C16orf96: variants seen among roughly 807,000 people sequenced by gnomAD.
C16orf96 encodes the protein uncharacterized protein C16orf96.
C16orf96 carries 108 observed loss-of-function variants against 103.6 expected under a neutral mutation model. The ratio of observed to expected loss-of-function variants is 1.04; its 90% confidence interval spans 0.89 to 1.22. The LOEUF (loss-of-function observed/expected upper bound fraction) is 1.22. C16orf96 is among the 50% of genes most tolerant of loss of function. The pLI is 0.00. For missense variants in C16orf96, 1,586 were observed against 1,464.2 expected (o/e 1.08, Z -1.36); for synonymous variants, 566 against 593.5 (o/e 0.95, Z 0.67).
At chr16:4,600,021 G>A in intron 15 of C16orf96, 79 bp from the exon 16 acceptor site, 1 of 1,344,662 alleles carries the variant, frequency 7.4e-7, no homozygotes, top group Non-Finnish European at 1.0e-6. Flanking sequence ...CTTCTCTTTA[G>A]TGGGGATGGC....
chr16:4,546,246 C>G, the C16orf96 span, among the ~76,000 whole-genome samples: 2 of 150,578 alleles, frequency 1.3e-5, no homozygotes, highest in Non-Finnish European at 3.0e-5. Flanking sequence ...GCAAGCTCCA[C>G]CTCCCAGGTT....
chr16:4,569,206 G>T (rs915611273), intron 1 of C16orf96, among the ~76,000 whole-genome samples: 1 of 151,780 alleles, frequency 6.6e-6, no homozygotes, highest in Admixed American at 6.6e-5. Flanking sequence ...CTGAACTTCA[G>T]ATCCACTGGC....
At chr16:4,555,487 C>T (rs139901923), upstream of C16orf96, among the ~76,000 whole-genome samples, 1 of 151,718 alleles carries the variant, frequency 6.6e-6, no homozygotes, top group Non-Finnish European at 1.5e-5. Context: ...AATTCTCTGC[C>T]TCAGCCTCCA....
At position 4,576,704 on chromosome 16, in the gene C16orf96, GTCCTGTCCTT is replaced by G. The variant is rs2059514801; in HGVS notation, c.2155+70_2155+79del. Reference sequence around the variant, plus strand: ...TCTCCCTGCAGCCTTTGAGAAGTGTGTCCTGTCCTTCACTGGGCTCCACCAACAAAATCTG... The same window carrying G: ...TCTCCCTGCAGCCTTTGAGAAGTGTGCACTGGGCTCCACCAACAAAATCTG... On this transcript the variant is annotated intron_variant, in intron 5 of 15. Transcript: ENST00000444310. 2.1e-6 allele frequency: 3 copies of G among 1,407,646 alleles called. No homozygotes were observed. In the African/African-American group the frequency reaches 4.3e-5, roughly 20 times the overall value. 87.2% of individuals were successfully genotyped at this position (1,407,646 alleles called of 1,614,324 possible). A position where few individuals can be genotyped will look rare whatever the true frequency, so the allele number is the denominator to read the frequency against.
chr16:4,582,868 C>T (rs1896824363), intron 7 of C16orf96, among the ~76,000 whole-genome samples: 1 of 152,172 alleles, frequency 6.6e-6, no homozygotes, highest in African/African-American at 2.4e-5. Context: ...TGAAGCCCTG[C>T]CACGTGTGCC....
intron 5 of C16orf96, among the ~76,000 whole-genome samples, chr16:4,577,412 C>G (rs2059525370): frequency 6.6e-6 from 1 of 152,054 alleles, no homozygotes; most frequent in Admixed American, 6.6e-5. Flanking sequence ...CGCCTATAAT[C>G]CTAGCACTTT....
rs1300279767 is a variant in C16orf96, at chr16:4,575,955, G to T, written c.1475G>T (p.Arg492Ile). Residue 492 changes from arginine (R) to isoleucine (I), a missense_variant, in exon 5 of 16, where the codon AGA becomes ATA. By Grantham distance (97) the Arg-to-Ile change is moderately conservative. Coordinates refer to ENST00000444310, the MANE Select transcript of C16orf96 (RefSeq NM_001145011.2). ...CGCAAGGATGGGGTCCCCAAAGATA[G>T]AGGTGGCAAGGATGTGGACCCCAAG... Reference protein sequence around the residue: ...RTRKDGVPKDRGGKDVDPKDR... With the variant: ...RTRKDGVPKDIGGKDVDPKDR... The T allele has an allele frequency of 1.3e-6, 2 of 1,549,972 alleles. No homozygotes were observed. The highest frequency in any genetic ancestry group is 1.2e-5 in the South Asian group (1 of 83,982).
chr16:4,600,298 A>C lies in C16orf96; in HGVS notation c.3407A>C (p.Glu1136Ala), dbSNP rs1333490301. Reference protein sequence around the residue: ...IESRVGRKPPEEPANP With the variant: ...IESRVGRKPPAEPANP ...TCCCGAGTCGGCAGGAAGCCCCCCG[A>C]GGAGCCCGCCAACCCGTGAGCCCCA... Residue 1136 changes from glutamate (E) to alanine (A), a missense_variant, in exon 16 of 16, where the codon GAG becomes GCG. Glu to Ala is a moderately radical substitution (Grantham distance 107). Transcript: ENST00000444310. The C allele has an allele frequency of 6.5e-7, 1 of 1,549,678 alleles. No individual in the cohort carries two copies. Among genetic ancestry groups the C allele is most frequent in the Non-Finnish European group, 8.7e-7 (1 of 1,146,782 alleles).
chr16:4,563,118 T>G, intron 1 of C16orf96: 1 of 780,502 alleles, frequency 1.3e-6, no homozygotes, highest in South Asian at 1.4e-5. Context: ...TTTTTCCTCT[T>G]TAAGTTTTTG....
the C16orf96 span, among the ~76,000 whole-genome samples, chr16:4,540,953 C>T: frequency 6.9e-6 from 1 of 145,818 alleles, no homozygotes; most frequent in African/African-American, 2.5e-5. Flanking sequence ...CTCGCTCTGT[C>T]ACCAGGCTGG....
chr16:4,571,888 T>G (rs1041950359), intron 2 of C16orf96, among the ~76,000 whole-genome samples: 1 of 150,546 alleles, frequency 6.6e-6, no homozygotes, highest in African/African-American at 2.4e-5. Context: ...CTCACTCTGT[T>G]GCCCAGGATG....
Position 4,576,364 on chromosome 16 carries a change from T to C in C16orf96, c.1884T>C (p.Pro628=), listed in dbSNP as rs1029230543. 1 of 1,550,796 alleles carries C rather than the reference T, an allele frequency of 6.4e-7. No individual in the cohort carries two copies. Among genetic ancestry groups the C allele is most frequent in the African/African-American group, 1.4e-5 (1 of 73,062 alleles). ...TTGCAGATGTCCTGGGTGCAGGGCCTTCCCGGGGAGCCACAGAATCCCAGA... is the reference window on the plus strand; with the variant it reads ...TTGCAGATGTCCTGGGTGCAGGGCCCTCCCGGGGAGCCACAGAATCCCAGA... ...GVFADVLGAG[P]SRGATESQIL... The change falls in exon 5 of 16, where the codon CCT becomes CCC. Residue 628 remains proline (P), a synonymous_variant. Transcript: ENST00000444310.
At chr16:4,542,456 A>G in the C16orf96 span, among the ~76,000 whole-genome samples, 157 of 152,368 alleles carry the variant, frequency 1.0e-3, no homozygotes, top group African/African-American at 3.5e-3. Flanking sequence ...TAATTTTAAT[A>G]ATACATTTAA....
chr16:4,592,367 C>A lies in C16orf96; in HGVS notation c.2774C>A (p.Pro925Gln), dbSNP rs760540541. The change falls in exon 11 of 16, where the codon CCA becomes CAA. Residue 925 changes from proline (P) to glutamine (Q), a missense_variant and splice_region_variant. Transcript: ENST00000444310. The part of the protein sequence containing the change: ...CDRPVEMMTG[P>Q]QLITIRKAHL... The stretch of plus-strand genomic sequence containing the variant: ...CGGCCTGTGGAGATGATGACTGGCC[C>A]GTGAGTACCACCGCCCAGGGTGCCC... 5 of 1,551,584 alleles carry A rather than the reference C, an allele frequency of 3.2e-6. No homozygotes were observed. The highest frequency in any genetic ancestry group is 1.7e-4 in the Middle Eastern group (1 of 5,992).
At chr16:4,546,730 A>G in the C16orf96 span, among the ~76,000 whole-genome samples, 3 of 151,904 alleles carry the variant, frequency 2.0e-5, no homozygotes, top group African/African-American at 7.3e-5. Context: ...TTAGCCTCCT[A>G]AAGTGCTGAG....
upstream of C16orf96, among the ~76,000 whole-genome samples, chr16:4,554,348 T>C (rs2059243953): frequency 6.6e-6 from 1 of 151,916 alleles, no homozygotes. Context: ...TTTTTTTCTT[T>C]TTCTTTTTCT....
chr16:4,545,160 C>G, the C16orf96 span, among the ~76,000 whole-genome samples: 6 of 152,178 alleles, frequency 3.9e-5, no homozygotes, highest in African/African-American at 1.4e-4. Flanking sequence ...TCTGAATCCT[C>G]TCCCCCGCCA....
chr16:4,563,041 A>G, intron 1 of C16orf96: 1 of 904,730 alleles, frequency 1.1e-6, no homozygotes, highest in Non-Finnish European at 1.8e-6. Flanking sequence ...CTCTGTCAGA[A>G]GATGACAGAG....
At chr16:4,553,433 A>G (rs987432714), upstream of C16orf96, among the ~76,000 whole-genome samples, 1 of 152,068 alleles carries the variant, frequency 6.6e-6, no homozygotes, top group Non-Finnish European at 1.5e-5. Flanking sequence ...GCTGGAGTGC[A>G]GGGGTGTGAT....
Sources: gnomAD v4.1 joint callset for allele counts (sites outside exome capture counted in the v4.1 genomes callset) on GRCh38, gnomAD v4.1.1 for gene constraint, MANE v1.5 for transcripts, NCBI Gene and HGNC (gene_info 2026-07-23, HGNC 2026-07-21) for gene names.